Variants in DDX55 observed in about 807,000 individuals in gnomAD.
DDX55 encodes the protein ATP-dependent RNA helicase DDX55.
Under a neutral mutation model 69.2 loss-of-function variants are expected in DDX55, and 56 were observed. That is an observed-to-expected ratio of 0.81 (90% CI 0.65 to 1.01). The LOEUF is 1.01. Among genes scored for constraint, DDX55 ranks in the 50% least tolerant of loss-of-function variants. The pLI is 0.00. For missense variants in DDX55, 720 were observed against 745.1 expected, an observed-to-expected ratio of 0.97 and a Z score of 0.39; for synonymous variants, 268 against 273.1, an observed-to-expected ratio of 0.98 and a Z score of 0.18.
rs774172727 is a variant in DDX55, at chr12:123,615,203, A to G, written c.843A>G (p.Glu281=). 5 of 1,614,120 alleles carry G rather than the reference A, an allele frequency of 3.1e-6. No individual in the cohort carries two copies. Among genetic ancestry groups the G allele is most frequent in the Non-Finnish European group, 3.4e-6 (4 of 1,179,982 alleles). Residue 281 remains glutamate (E), a synonymous_variant, in exon 9 of 14, where the codon GAA becomes GAG. Transcript: ENST00000238146. ...CTTGCAGCACCTGTGCCTGTGTGGA[A>G]TACTATGGGAAGGCTCTGGAAGTGC... is the stretch of plus-strand genomic sequence containing the variant. ...LVFFSTCACV[E]YYGKALEVLV...
chr12:123,612,089 A>G (rs912549275), intron 7 of DDX55, among the ~76,000 whole-genome samples: 3 of 152,192 alleles, frequency 2.0e-5, no homozygotes, highest in African/African-American at 7.2e-5. Context: ...AAATCCTCCA[A>G]AATCTGAAGC....
chr12:123,611,444 T>TGGCCCACC (rs1954236232), intron 7 of DDX55, among the ~76,000 whole-genome samples: 1 of 152,240 alleles, frequency 6.6e-6, no homozygotes, highest in Non-Finnish European at 1.5e-5. Context: ...GACGGTACAC[T>TGGCCCACC]GGCCCACCAG....
intron 11 of DDX55, 64 bp from the exon 12 acceptor site, chr12:123,618,605 G>A: frequency 1.3e-6 from 2 of 1,577,076 alleles, no homozygotes; most frequent in Admixed American, 3.6e-5. Context: ...TGGTTGTGAT[G>A]GGGAGCCCTG....
At chr12:123,605,664 T>C in intron 1 of DDX55, 1 of 568,536 alleles carries the variant, frequency 1.8e-6, no homozygotes, top group Non-Finnish European at 3.2e-6. Flanking sequence ...CTTCAACGCC[T>C]TCCTGGTTCA....
At chr12:123,609,517 AG>A (rs1954084927) in intron 6 of DDX55, among the ~76,000 whole-genome samples, 1 of 151,642 alleles carries the variant, frequency 6.6e-6, no homozygotes, top group African/African-American at 2.4e-5. Context: ...CTGGGACTAC[AG>A]GCACATGCCA....
intron 1 of DDX55, chr12:123,605,596 T>G: frequency 2.5e-6 from 1 of 398,390 alleles, no homozygotes; most frequent in Non-Finnish European, 4.8e-6. Context: ...AATGAGAGGG[T>G]TTATTTGAAT....
rs774015411 is a variant in DDX55, at chr12:123,607,444, A to G, written c.259A>G (p.Ile87Val). 1.2e-5 allele frequency: 19 copies of G among 1,613,982 alleles called. No homozygotes were observed. The highest frequency in any genetic ancestry group is 1.6e-5 in the Non-Finnish European group (19 of 1,179,994). The change falls in exon 4 of 14, where the codon ATC (isoleucine) becomes GTC (valine). Residue 87 changes from isoleucine to valine, a missense_variant. Ile to Val is a conservative substitution (Grantham distance 29, BLOSUM62 3). Transcript: ENST00000238146. Reference sequence around the variant, plus strand: ...TCCATGTGGGTAGGTTGGAGCCATAATCATCACCCCCACTCGAGAGCTGGC... The same window carrying G: ...TCCATGTGGGTAGGTTGGAGCCATAGTCATCACCCCCACTCGAGAGCTGGC... The part of the protein sequence containing the change: ...KLKKSQVGAI[I>V]ITPTRELAIQ...
Position 123,606,244 on chromosome 12 carries a change from A to G in DDX55, c.246+85A>G. On this transcript the variant is annotated intron_variant, in intron 3 of 13. Transcript: ENST00000238146. ...AGAAGCTGGCTACAAATGTGAAAAA[A>G]TAGGCCAGAAGCCGTGGCTCACGCC... The G allele has an allele frequency of 2.6e-6, 4 of 1,515,194 alleles. No homozygotes were observed. In the East Asian group the frequency reaches 7.1e-5, roughly 27 times the overall value. 93.9% of individuals were successfully genotyped at this position (1,515,194 alleles called of 1,614,324 possible).
intron 7 of DDX55, 102 bp from the exon 8 acceptor site, chr12:123,613,068 G>A: frequency 4.9e-6 from 6 of 1,223,854 alleles, no homozygotes; most frequent in Non-Finnish European, 5.9e-6. Flanking sequence ...CTACCCATGG[G>A]GGAAATGACA....
chr12:123,620,283 G>A lies in DDX55; in HGVS notation c.*143G>A. ...CTGAAAGCTGTCCTTTCAGATGAGGGAGAAATGAAGGATTTCACACTTCAG... is the reference window on the plus strand; with the variant it reads ...CTGAAAGCTGTCCTTTCAGATGAGGAAGAAATGAAGGATTTCACACTTCAG... On this transcript the variant is annotated 3_prime_UTR_variant, in exon 14 of 14. Transcript: ENST00000238146. 5.1e-6 allele frequency: 4 copies of A among 781,416 alleles called. No individual in the cohort carries two copies. Among genetic ancestry groups the A allele is most frequent in the Non-Finnish European group, 7.8e-6 (4 of 511,902 alleles). 48.4% of individuals were successfully genotyped at this position (781,416 alleles called of 1,614,324 possible).
intron 3 of DDX55, 95 bp from the exon 4 acceptor site, chr12:123,607,337 A>G (rs1953951930): frequency 7.4e-7 from 1 of 1,354,616 alleles, no homozygotes; most frequent in Non-Finnish European, 1.0e-6. Flanking sequence ...TTTCTCTGGA[A>G]CTTTCCTTTG....
chr12:123,613,547 T>C, intron 8 of DDX55, among the ~76,000 whole-genome samples: 1 of 152,114 alleles, frequency 6.6e-6, no homozygotes, highest in Admixed American at 6.5e-5. Context: ...GGATTCTGGA[T>C]GACCACTATT....
intron 8 of DDX55, among the ~76,000 whole-genome samples, chr12:123,613,466 G>C (rs573158211): frequency 5.3e-4 from 80 of 152,198 alleles, no homozygotes; most frequent in African/African-American, 1.9e-3. Flanking sequence ...TTCTCACATG[G>C]GTTTCATGTG....
chr12:123,619,521 G>A lies in DDX55; in HGVS notation c.1423G>A (p.Val475Met), dbSNP rs1380005008. The A allele has an allele frequency of 6.2e-7, 1 of 1,613,960 alleles. No homozygotes were observed. The highest frequency in any genetic ancestry group is 2.2e-5 in the East Asian group (1 of 44,880). Reference sequence around the variant, plus strand: ...GAGAGGAAAGCAGTTTCCAGATTTTGTGCCCGTGGACGTTAATACCGACAC... The same window carrying A: ...GAGAGGAAAGCAGTTTCCAGATTTTATGCCCGTGGACGTTAATACCGACAC... ...ELRGKQFPDF[V>M]PVDVNTDTIP... is the part of the protein sequence containing the mutation. Residue 475 changes from valine to methionine, a missense_variant, in exon 13 of 14, where the codon GTG becomes ATG. Coordinates refer to ENST00000238146, the MANE Select transcript of DDX55 (RefSeq NM_020936.3).
At chr12:123,602,514 G>A (rs1953630178) in intron 1 of DDX55, among the ~76,000 whole-genome samples, 1 of 152,236 alleles carries the variant, frequency 6.6e-6, no homozygotes, top group African/African-American at 2.4e-5. Context: ...CCTGCTCGCT[G>A]TAGCTGTGAG....
intron 1 of DDX55, among the ~76,000 whole-genome samples, chr12:123,602,470 G>A (rs937922428): frequency 6.6e-6 from 1 of 152,244 alleles, no homozygotes; most frequent in Non-Finnish European, 1.5e-5. Context: ...CCGCCCTCGG[G>A]TGCTGTGGTC....
chr12:123,610,027 A>G lies in DDX55; in HGVS notation c.640A>G (p.Arg214Gly). 1 of 1,614,188 alleles carries G rather than the reference A, an allele frequency of 6.2e-7. No individual in the cohort carries two copies. Among genetic ancestry groups the G allele is most frequent in the Non-Finnish European group, 8.5e-7 (1 of 1,180,032 alleles). Residue 214 changes from arginine to glycine, a missense_variant, in exon 7 of 14, where the codon AGA (arginine) becomes GGA (glycine). Arg to Gly is a moderately radical substitution (Grantham distance 125, BLOSUM62 -2). Transcript: ENST00000238146. Reference sequence around the variant, plus strand: ...GACGCAGGAAGTGGAGAACCTGGTGAGAGCGGGCCTCCGGAACCCTGTCCG... The same window carrying G: ...GACGCAGGAAGTGGAGAACCTGGTGGGAGCGGGCCTCCGGAACCCTGTCCG... Reference protein sequence around the residue: ...TQTQEVENLVRAGLRNPVRVS... With the variant: ...TQTQEVENLVGAGLRNPVRVS...
Position 123,620,132 on chromosome 12 carries a change from G to T in DDX55, c.1795G>T (p.Asp599Tyr). 1 of 1,613,704 alleles carries T rather than the reference G, an allele frequency of 6.2e-7. No homozygotes were observed. The highest frequency in any genetic ancestry group is 1.1e-5 in the South Asian group (1 of 91,018). ...TTTAGGGATCTCAGATTTGGAAGAT[G>T]ACTGCTGATTCCAGTGCCACAGATG... is the stretch of plus-strand genomic sequence containing the variant. Reference protein sequence around the residue: ...VDLGISDLEDDC With the variant: ...VDLGISDLEDYC The change falls in exon 14 of 14, where the codon GAC becomes TAC. Residue 599 changes from aspartate (D) to tyrosine (Y), a missense_variant. By Grantham distance (160) the Asp-to-Tyr change is radical. Transcript: ENST00000238146.
At position 123,607,495 on chromosome 12, in the gene DDX55, C is replaced by T. The variant is rs1289935178; in HGVS notation, c.310C>T (p.His104Tyr). 1 of 1,614,142 alleles carries T rather than the reference C, an allele frequency of 6.2e-7. No individual in the cohort carries two copies. Among genetic ancestry groups the T allele is most frequent in the Non-Finnish European group, 8.5e-7 (1 of 1,180,030 alleles). ...CATTCAAATAGACGAGGTCCTGTCG[C>T]ATTTCACGAAGCACTTCCCCGAGTT... ...LAIQIDEVLSHFTKHFPEFSQ... is the reference protein window; with the variant it reads ...LAIQIDEVLSYFTKHFPEFSQ... Residue 104 changes from histidine (H) to tyrosine (Y), a missense_variant, in exon 4 of 14, where the codon CAT becomes TAT. Physicochemically the swap from His to Tyr is moderately conservative, Grantham distance 83 (BLOSUM62 2). Coordinates refer to ENST00000238146, the MANE Select transcript of DDX55 (RefSeq NM_020936.3).
Sources: allele counts gnomAD v4.1 joint callset (sites outside exome capture counted in the v4.1 genomes callset), GRCh38; gene constraint gnomAD v4.1.1; transcripts MANE v1.5; gene names NCBI Gene and HGNC (gene_info 2026-07-23, HGNC 2026-07-21).